The following PBX1 variants were observed in gnomAD, a reference collection of about 807,000 sequenced individuals.
PBX1 encodes pre-B-cell leukemia transcription factor 1.
PBX1 carries 6 observed loss-of-function variants against 53.4 expected under a neutral mutation model. That is an observed-to-expected ratio of 0.11 (90% CI 0.06 to 0.22). PBX1 has a LOEUF of 0.22. Ranked by LOEUF, PBX1 falls within the 10% of genes least tolerant of loss-of-function variation. The probability of loss-of-function intolerance (pLI) is 1.00; values close to 1 mark genes in which losing one functional copy is unlikely to be tolerated. For synonymous variants in PBX1, 204 were observed against 212.3 expected (o/e 0.96, Z 0.34); for missense variants, 251 against 551.4 (o/e 0.46, Z 5.46).
Position 164,819,876 on chromosome 1 carries a change from A to G in PBX1, c.998-196A>G, listed in dbSNP as rs1443993730. 9.8e-6 allele frequency: 5 copies of G among 512,160 alleles called. No individual in the cohort carries two copies. The East Asian group carries it at 1.6e-4, about 16-fold the overall frequency. 31.7% of individuals were successfully genotyped at this position (512,160 alleles called of 1,614,324 possible). A position where few individuals can be genotyped will look rare whatever the true frequency, so the allele number is the denominator to read the frequency against. On this transcript the variant is annotated intron_variant, in intron 6 of 8. Coordinates refer to ENST00000420696, the MANE Select transcript of PBX1 (RefSeq NM_002585.4). ...AACTTGCAGTAAGGTATGGCTTCAC[A>G]TAACATAAACAATATGCACCCTTTA...
chr1:164,845,046 G>A lies in PBX1; in HGVS notation c.1201-1538G>A, dbSNP rs956893. Reference sequence around the variant, plus strand: ...GAGCGGTGTTCTTGGCATTGCTCAGGATGCCCTCTTGGTATCCAGATCTGC... The same window carrying A: ...GAGCGGTGTTCTTGGCATTGCTCAGAATGCCCTCTTGGTATCCAGATCTGC... On this transcript the variant is annotated intron_variant, in intron 8 of 8. Coordinates refer to ENST00000420696, the MANE Select transcript of PBX1 (RefSeq NM_002585.4). Among the ~76,000 whole-genome samples the A allele has an allele frequency of 2.9e-3, 447 of 152,254 alleles. 9 individuals carry two copies. The East Asian group carries it at 0.031, about 10-fold the overall frequency.
Position 164,565,159 on chromosome 1 carries a change from T to C in PBX1, c.265+1848T>C, listed in dbSNP as rs75442041. Among the ~76,000 whole-genome samples, 1,494 of 152,130 alleles carry C rather than the reference T, an allele frequency of 9.8e-3. 22 individuals carry two copies. The highest frequency in any genetic ancestry group is 0.035 in the African/African-American group (1,433 of 41,504). ...TGGGTGGGTGTGAATAGAGATCCGG[T>C]TCAGGTGAGGGTTAAAGAGTTCGCT... On this transcript the variant is annotated intron_variant, in intron 2 of 8. Transcript: ENST00000420696.
At chr1:164,811,941 T>G in intron 5 of PBX1, 49 bp from the exon 6 acceptor site, 1 of 1,535,434 alleles carries the variant, frequency 6.5e-7, no homozygotes. Context: ...CTGCAATGTT[T>G]CTGAAGGATG....
intron 2 of PBX1, among the ~76,000 whole-genome samples, chr1:164,572,612 T>G (rs1407607682): frequency 6.6e-6 from 1 of 152,144 alleles, no homozygotes; most frequent in Admixed American, 6.5e-5. Flanking sequence ...GCATGGACTT[T>G]GAGTGAAACC....
intron 2 of PBX1, among the ~76,000 whole-genome samples, chr1:164,879,595 G>T (rs1672597392): frequency 6.6e-6 from 1 of 152,174 alleles, no homozygotes; most frequent in Non-Finnish European, 1.5e-5. Flanking sequence ...GTGAAGATCA[G>T]CATATAGGAC....
chr1:164,811,573 A>C (rs1452095618), intron 5 of PBX1, among the ~76,000 whole-genome samples: 1 of 152,228 alleles, frequency 6.6e-6, no homozygotes, highest in Non-Finnish European at 1.5e-5. Flanking sequence ...CTATATGGAC[A>C]TTTAAAGATC....
intron 2 of PBX1, among the ~76,000 whole-genome samples, chr1:164,662,677 G>A (rs1660553096): frequency 1.3e-5 from 2 of 152,238 alleles, no homozygotes; most frequent in Admixed American, 6.5e-5. Flanking sequence ...TGCACAGCCT[G>A]GTGGCAGTGA....
intron 2 of PBX1, among the ~76,000 whole-genome samples, chr1:164,780,023 GC>G (rs1283367588): frequency 1.3e-5 from 2 of 152,160 alleles, no homozygotes; most frequent in Non-Finnish European, 2.9e-5. Context: ...GATGCATTTA[GC>G]CAGCATCTTG....
At chr1:164,710,904 T>A (rs1254742483) in intron 2 of PBX1, among the ~76,000 whole-genome samples, 1 of 152,168 alleles carries the variant, frequency 6.6e-6, no homozygotes, top group African/African-American at 2.4e-5. Flanking sequence ...CGTGATGGCT[T>A]ACCTTCCTCC....
chr1:164,743,258 A>C (rs1212819402), intron 2 of PBX1, among the ~76,000 whole-genome samples: 1 of 151,978 alleles, frequency 6.6e-6, no homozygotes, highest in Non-Finnish European at 1.5e-5. Context: ...TGTTTTGTTC[A>C]TCTCCTTTTC....
At chr1:164,645,265 G>A (rs1320402280) in intron 2 of PBX1, among the ~76,000 whole-genome samples, 2 of 152,096 alleles carry the variant, frequency 1.3e-5, no homozygotes, top group Non-Finnish European at 2.9e-5. Flanking sequence ...AGATAGAATT[G>A]TAGAGCTCAA....
At chr1:164,592,613 G>A (rs1198202061) in intron 2 of PBX1, among the ~76,000 whole-genome samples, 2 of 152,240 alleles carry the variant, frequency 1.3e-5, no homozygotes, top group East Asian at 3.9e-4. Context: ...GGACCAGGGG[G>A]AGTGAAAGGG....
intron 8 of PBX1, among the ~76,000 whole-genome samples, chr1:164,843,313 C>T (rs1407191467): frequency 6.6e-6 from 1 of 152,174 alleles, no homozygotes; most frequent in Non-Finnish European, 1.5e-5. Context: ...ATTTGTGTTT[C>T]TCTAACTTAA....
At chr1:164,876,005 T>TATATATATATATATATATAC (rs1487676214) in intron 2 of PBX1, among the ~76,000 whole-genome samples, 2 of 56,792 alleles carry the variant, frequency 3.5e-5, no homozygotes, top group Non-Finnish European at 1.2e-4. Context: ...TATATATATA[T>TATATATATATATATATATAC]ACACACATAC....
chr1:164,841,515 T>C (rs1356507990), intron 8 of PBX1, among the ~76,000 whole-genome samples: 1 of 152,138 alleles, frequency 6.6e-6, no homozygotes, highest in Non-Finnish European at 1.5e-5. Context: ...GAGATAGGAC[T>C]GGAGGAATAC....
At chr1:164,772,165 A>C (rs982540250) in intron 2 of PBX1, among the ~76,000 whole-genome samples, 10 of 152,254 alleles carry the variant, frequency 6.6e-5, no homozygotes, top group African/African-American at 2.4e-4. Context: ...TGTAGCAACA[A>C]CACCTTGTAA....
chr1:164,651,633 A>T (rs572253096), intron 2 of PBX1, among the ~76,000 whole-genome samples: 3 of 152,244 alleles, frequency 2.0e-5, no homozygotes, highest in African/African-American at 7.2e-5. Flanking sequence ...CAACCCTCCA[A>T]AAAGAAGAAC....
chr1:164,697,904 C>T (rs1316068554), intron 2 of PBX1, among the ~76,000 whole-genome samples: 2 of 152,152 alleles, frequency 1.3e-5, no homozygotes, highest in South Asian at 2.1e-4. Flanking sequence ...CAAGAAGAGA[C>T]GTATCAGGAA....
intron 2 of PBX1, among the ~76,000 whole-genome samples, chr1:164,602,827 G>A (rs1395887043): frequency 1.3e-5 from 2 of 152,142 alleles, no homozygotes; most frequent in South Asian, 2.1e-4. Flanking sequence ...GCCCTCAAAG[G>A]TACTTGTGGA....
Sources: gnomAD v4.1 joint callset for allele counts (sites outside exome capture counted in the v4.1 genomes callset) on GRCh38, gnomAD v4.1.1 for gene constraint, MANE v1.5 for transcripts, NCBI Gene and HGNC (gene_info 2026-07-23, HGNC 2026-07-21) for gene names.